DLG2: variants seen among roughly 807,000 people sequenced by gnomAD.
The protein encoded by DLG2 is discs large MAGUK scaffold protein 2, also known as disks large homolog 2.
In DLG2, 45 loss-of-function variants were observed where a neutral mutation model predicts 132.5. The ratio of observed to expected loss-of-function variants is 0.34; its 90% CI spans 0.27 to 0.44. The LOEUF (loss-of-function observed/expected upper bound fraction) is 0.44. DLG2 is among the 20% of genes least tolerant of loss of function. DLG2 has a pLI of 1.00. For missense variants in DLG2, 1,045 were observed against 1,196.9 expected (o/e 0.87, Z 1.87); for synonymous variants, 424 against 419.6 (o/e 1.01, Z -0.13).
At chr11:84,878,469 C>T (rs1566243200) in intron 6 of DLG2, among the ~76,000 whole-genome samples, 1 of 152,068 alleles carries the variant, frequency 6.6e-6, no homozygotes, top group Non-Finnish European at 1.5e-5. Flanking sequence ...GGAAACCAAA[C>T]ACTTCATGTT....
At chr11:84,529,066 T>C (rs2099329129) in intron 7 of DLG2, among the ~76,000 whole-genome samples, 1 of 152,148 alleles carries the variant, frequency 6.6e-6, no homozygotes, top group South Asian at 2.1e-4. Flanking sequence ...CGGACTTTTT[T>C]TTTCCCCTAG....
At chr11:83,963,378 A>G (rs1209252345) in intron 13 of DLG2, among the ~76,000 whole-genome samples, 3 of 152,050 alleles carry the variant, frequency 2.0e-5, no homozygotes, top group South Asian at 2.1e-4. Context: ...TTGTTTTCAC[A>G]TAATTAATAT....
intron 7 of DLG2, among the ~76,000 whole-genome samples, chr11:84,354,209 T>C (rs2098597848): frequency 1.3e-5 from 2 of 152,172 alleles, no homozygotes; most frequent in Admixed American, 6.5e-5. Flanking sequence ...TAATCCAATG[T>C]ATAAAAATGT....
intron 3 of DLG2, among the ~76,000 whole-genome samples, chr11:85,398,051 A>T (rs1345834690): frequency 6.6e-6 from 1 of 152,218 alleles, no homozygotes; most frequent in East Asian, 1.9e-4. Context: ...CAGCAAATGT[A>T]AAAGAACAGA....
intron 4 of DLG2, among the ~76,000 whole-genome samples, chr11:85,282,286 C>T (rs1279545272): frequency 6.6e-6 from 1 of 151,740 alleles, no homozygotes; most frequent in Non-Finnish European, 1.5e-5. Flanking sequence ...AGATCTAGTG[C>T]TCAGTAGCAC....
intron 6 of DLG2, among the ~76,000 whole-genome samples, chr11:84,932,597 G>A (rs575828806): frequency 6.6e-6 from 1 of 152,228 alleles, no homozygotes; most frequent in South Asian, 2.1e-4. Flanking sequence ...ACTTATGAGT[G>A]AGAACATGCA....
intron 17 of DLG2, among the ~76,000 whole-genome samples, chr11:83,823,954 G>T (rs7130803): frequency 0.71 from 107,625 of 151,998 alleles, 39,194 homozygotes; most frequent in Middle Eastern, 0.88. Context: ...TCAATTCTTT[G>T]GTGAAGGCCT....
At chr11:85,007,595 G>T (rs2058782317) in intron 6 of DLG2, among the ~76,000 whole-genome samples, 1 of 143,890 alleles carries the variant, frequency 6.9e-6, no homozygotes, top group African/African-American at 2.6e-5. Flanking sequence ...GAATCTGGGA[G>T]GCAGAGATTG....
chr11:84,605,481 T>C (rs988172507), intron 6 of DLG2, among the ~76,000 whole-genome samples: 7 of 151,712 alleles, frequency 4.6e-5, no homozygotes, highest in African/African-American at 1.7e-4. Context: ...ATCTAATAGG[T>C]GAAAATGCCA....
chr11:84,324,081 A>G (rs145775895), intron 7 of DLG2, among the ~76,000 whole-genome samples: 2 of 152,008 alleles, frequency 1.3e-5, no homozygotes, highest in African/African-American at 4.8e-5. Flanking sequence ...CCACTTGTCT[A>G]TTTTTGTTTC....
intron 6 of DLG2, among the ~76,000 whole-genome samples, chr11:85,060,467 G>GTA (rs1234434350): frequency 3.9e-4 from 58 of 149,236 alleles, no homozygotes; most frequent in African/African-American, 1.4e-3. Context: ...GTGTGTGTGT[G>GTA]TATATATATG....
chr11:84,736,208 G>C (rs893259554), intron 6 of DLG2, among the ~76,000 whole-genome samples: 1 of 151,478 alleles, frequency 6.6e-6, no homozygotes, highest in Non-Finnish European at 1.5e-5. Flanking sequence ...GTTTAATTTT[G>C]GACTCTCCAT....
intron 6 of DLG2, among the ~76,000 whole-genome samples, chr11:84,535,965 A>ATATATATATAT (rs1209865425): frequency 4.0e-5 from 6 of 151,436 alleles, no homozygotes; most frequent in Non-Finnish European, 5.9e-5. Flanking sequence ...ATATATATAT[A>ATATATATATAT]AAACTTCTAG....
chr11:83,889,260 GA>G (rs1157486598), intron 15 of DLG2, among the ~76,000 whole-genome samples: 1 of 151,640 alleles, frequency 6.6e-6, no homozygotes, highest in African/African-American at 2.4e-5. Flanking sequence ...AAATTTACAA[GA>G]AAAAAACAAA....
intron 15 of DLG2, among the ~76,000 whole-genome samples, chr11:83,902,961 A>AT (rs986077238): frequency 6.6e-6 from 1 of 152,026 alleles, no homozygotes; most frequent in Non-Finnish European, 1.5e-5. Context: ...ACACACATTT[A>AT]TTTTTTTCCA....
chr11:85,201,345 C>G (rs893978794), intron 4 of DLG2, among the ~76,000 whole-genome samples: 1 of 152,192 alleles, frequency 6.6e-6, no homozygotes, highest in African/African-American at 2.4e-5. Flanking sequence ...ACTTCAGCCA[C>G]TCTTGCTACA....
chr11:85,259,870 G>A (rs527246266), intron 4 of DLG2, among the ~76,000 whole-genome samples: 4 of 151,898 alleles, frequency 2.6e-5, no homozygotes, highest in Non-Finnish European at 4.4e-5. Flanking sequence ...AAATTGTTTG[G>A]TATTCACTTA....
chr11:83,684,788 T>C (rs2079444865), intron 18 of DLG2, among the ~76,000 whole-genome samples: 1 of 152,088 alleles, frequency 6.6e-6, no homozygotes, highest in Non-Finnish European at 1.5e-5. Context: ...TCCCTGTCCA[T>C]TTTCCCCTGC....
intron 4 of DLG2, among the ~76,000 whole-genome samples, chr11:85,282,176 G>A (rs1461079221): frequency 3.3e-5 from 5 of 151,920 alleles, no homozygotes; most frequent in African/African-American, 9.7e-5. Flanking sequence ...ACATGCAGAT[G>A]GAAAGTTGAA....
Sources: gnomAD v4.1 joint callset for allele counts (sites outside exome capture counted in the v4.1 genomes callset) on GRCh38, gnomAD v4.1.1 for gene constraint, MANE v1.5 for transcripts, NCBI Gene and HGNC (gene_info 2026-07-23, HGNC 2026-07-21) for gene names.